Variants in BMPR2 observed in about 807,000 individuals in gnomAD.
BMPR2 encodes the protein bone morphogenetic protein receptor type-2.
Under a neutral mutation model 100.8 loss-of-function variants are expected in BMPR2, and 29 were observed. That is an observed-to-expected ratio of 0.29 (90% CI 0.21 to 0.39). BMPR2 has a LOEUF of 0.39. Ranked by LOEUF, BMPR2 falls within the 10% of genes least tolerant of loss-of-function variation. BMPR2 has a pLI of 1.00. For synonymous variants in BMPR2, 382 were observed against 442.3 expected, an observed-to-expected ratio of 0.86 and a Z score of 1.71; for missense variants, 1,011 against 1,274.5, an observed-to-expected ratio of 0.79 and a Z score of 3.15.
At position 202,470,772 on chromosome 2, in the gene BMPR2, A is replaced by C. The variant is rs961174808; in HGVS notation, c.418+3083A>C. 6.9e-5 allele frequency among the ~76,000 whole-genome samples: 8 copies of C among 115,714 alleles called. No homozygotes were observed. The Admixed American group carries it at 7.2e-4, about 10-fold the overall frequency. 75.9% of individuals were successfully genotyped at this position (115,714 alleles called of 152,430 possible). A position where few individuals can be genotyped will look rare whatever the true frequency, so the allele number is the denominator to read the frequency against. ...GGCGACAGAGCGAGACTCCGTCTCA[A>C]AAAAAAAAAAAAAAAAAGAAAGTAA... On this transcript the variant is annotated intron_variant, in intron 3 of 12. Coordinates refer to ENST00000374580, the MANE Select transcript of BMPR2 (RefSeq NM_001204.7).
At position 202,563,962 on chromosome 2, in the gene BMPR2, G is replaced by A. The variant is rs1177418134; in HGVS notation, c.*4016G>A. On this transcript the variant is annotated 3_prime_UTR_variant, in exon 13 of 13. Coordinates refer to ENST00000374580, the MANE Select transcript of BMPR2 (RefSeq NM_001204.7). Reference sequence around the variant, plus strand: ...CACTTGTTCCAGAAAATGTGCATTGGTTCTGAATGTGAAAATATTTAAAGA... The same window carrying A: ...CACTTGTTCCAGAAAATGTGCATTGATTCTGAATGTGAAAATATTTAAAGA... The A allele has an allele frequency of 6.6e-6, 1 of 152,178 alleles. No individual in the cohort carries two copies. The highest frequency in any genetic ancestry group is 6.5e-5 in the Admixed American group (1 of 15,278). 9.4% of individuals were successfully genotyped at this position (152,178 alleles called of 1,614,324 possible). A position where few individuals can be genotyped will look rare whatever the true frequency, so the allele number is the denominator to read the frequency against.
At chr2:202,392,670 G>T (rs1690573347) in intron 1 of BMPR2, among the ~76,000 whole-genome samples, 1 of 152,106 alleles carries the variant, frequency 6.6e-6, no homozygotes, top group South Asian at 2.1e-4. Context: ...AAGAGCTGTA[G>T]TTGTTTGAGT....
chr2:202,454,141 G>A (rs991339988), intron 1 of BMPR2, among the ~76,000 whole-genome samples: 2 of 152,012 alleles, frequency 1.3e-5, no homozygotes, highest in Admixed American at 6.6e-5. Flanking sequence ...GTGAACTTGG[G>A]TTACTGCAAT....
chr2:202,430,969 A>G (rs1346844224), intron 1 of BMPR2, among the ~76,000 whole-genome samples: 2 of 150,464 alleles, frequency 1.3e-5, no homozygotes, highest in African/African-American at 5.0e-5. Flanking sequence ...CCAAAAAAAA[A>G]AAAAACTTGA....
At chr2:202,537,318 C>T (rs549458898) in intron 9 of BMPR2, among the ~76,000 whole-genome samples, 2 of 152,270 alleles carry the variant, frequency 1.3e-5, no homozygotes, top group East Asian at 3.9e-4. Context: ...CAGATTAGTA[C>T]ACTGCTACAA....
intron 9 of BMPR2, among the ~76,000 whole-genome samples, chr2:202,540,537 C>T (rs756612204): frequency 1.3e-5 from 2 of 152,110 alleles, no homozygotes; most frequent in African/African-American, 2.4e-5. Flanking sequence ...CAAACTTGGG[C>T]GATGCTGCAC....
intron 8 of BMPR2, among the ~76,000 whole-genome samples, chr2:202,531,930 ATTTTTTTTTTT>A (rs71035015): frequency 7.7e-5 from 4 of 52,278 alleles, no homozygotes; most frequent in East Asian, 6.9e-4. Context: ...GCCCAGCTGT[ATTTTTTTTTTT>A]TTTTTTTTTT....
At chr2:202,421,977 C>T (rs922178021) in intron 1 of BMPR2, among the ~76,000 whole-genome samples, 72 of 151,256 alleles carry the variant, frequency 4.8e-4, no homozygotes, top group African/African-American at 1.6e-3. Flanking sequence ...GGTGCGATCT[C>T]GGCTCAGTGC....
chr2:202,515,706 A>G (rs1039931256), intron 5 of BMPR2, among the ~76,000 whole-genome samples: 5 of 152,220 alleles, frequency 3.3e-5, no homozygotes, highest in African/African-American at 1.2e-4. Context: ...CCTGGCCAAC[A>G]TGGTGAAACC....
At chr2:202,550,475 T>C (rs1349883785) in intron 10 of BMPR2, among the ~76,000 whole-genome samples, 1 of 152,000 alleles carries the variant, frequency 6.6e-6, no homozygotes, top group Non-Finnish European at 1.5e-5. Context: ...ACTGCAGCCT[T>C]CCAAAGTCCT....
In BMPR2 at chr2:202,506,965, C is replaced by T. The variant is rs534117278; in HGVS notation, c.419-6754C>T. ...GCGTGCACCTGTAATCCCAGCTACT[C>T]GGGAGGCTGAGGCAGGAGAATTGCT... On this transcript the variant is annotated intron_variant, in intron 3 of 12. Transcript: ENST00000374580. Among the ~76,000 whole-genome samples, 6 of 149,730 alleles carry T rather than the reference C, an allele frequency of 4.0e-5. No homozygotes were observed. In the South Asian group the frequency reaches 8.5e-4, roughly 21 times the overall value.
chr2:202,489,803 T>C (rs1376457129), intron 3 of BMPR2, among the ~76,000 whole-genome samples: 1 of 152,224 alleles, frequency 6.6e-6, no homozygotes, highest in Non-Finnish European at 1.5e-5. Context: ...AAGTTTTATA[T>C]GTTGACACAC....
chr2:202,469,858 C>T (rs1692400463), intron 3 of BMPR2, among the ~76,000 whole-genome samples: 1 of 151,930 alleles, frequency 6.6e-6, no homozygotes, highest in South Asian at 2.1e-4. Context: ...GAAAAAAAGC[C>T]CTGAAGAGAA....
At chr2:202,491,190 G>A (rs575052421) in intron 3 of BMPR2, among the ~76,000 whole-genome samples, 1 of 152,200 alleles carries the variant, frequency 6.6e-6, no homozygotes, top group Admixed American at 6.5e-5. Flanking sequence ...CTGAGTAGCT[G>A]GGACTACACA....
Position 202,481,620 on chromosome 2 carries a change from A to G in BMPR2, c.418+13931A>G, listed in dbSNP as rs377285907. On this transcript the variant is annotated intron_variant, in intron 3 of 12. Coordinates refer to ENST00000374580, the MANE Select transcript of BMPR2 (RefSeq NM_001204.7). ...GGAGTATTGCTATATTAACAATAGA[A>G]AGTCTCTTAATTCATGAACACGATA... is the stretch of plus-strand genomic sequence containing the variant. Among the ~76,000 whole-genome samples, 46 of 152,330 alleles carry G rather than the reference A, an allele frequency of 3.0e-4. No homozygotes were observed. In the East Asian group the frequency reaches 7.1e-3, roughly 24 times the overall value.
intron 10 of BMPR2, among the ~76,000 whole-genome samples, chr2:202,544,986 T>C (rs1688349566): frequency 1.3e-5 from 2 of 151,778 alleles, no homozygotes; most frequent in African/African-American, 4.8e-5. Flanking sequence ...GGTCTCAAAC[T>C]CCTGAATTCA....
intron 1 of BMPR2, among the ~76,000 whole-genome samples, chr2:202,410,875 A>G (rs3942565): frequency 0.12 from 18,916 of 152,182 alleles, 1,261 homozygotes; most frequent in Admixed American, 0.14. Flanking sequence ...CACTGCGCCC[A>G]GTCTTTTTAT....
chr2:202,543,402 CTAAT>C (rs1246853203), intron 10 of BMPR2, among the ~76,000 whole-genome samples: 2 of 151,066 alleles, frequency 1.3e-5, no homozygotes, highest in Non-Finnish European at 2.9e-5. Context: ...ATAGGATAAT[CTAAT>C]TATCTACTAT....
chr2:202,465,241 T>C (rs539119408), intron 2 of BMPR2, among the ~76,000 whole-genome samples: 31 of 151,704 alleles, frequency 2.0e-4, no homozygotes, highest in African/African-American at 7.3e-4. Context: ...ATACAAAAAT[T>C]AGTCGGGTAT....
Sources: allele counts gnomAD v4.1 joint callset (sites outside exome capture counted in the v4.1 genomes callset), GRCh38; gene constraint gnomAD v4.1.1; transcripts MANE v1.5; gene names NCBI Gene and HGNC (gene_info 2026-07-23, HGNC 2026-07-21).